TOM1L1: variants seen among roughly 807,000 people sequenced by gnomAD.
The protein encoded by TOM1L1 is TOM1-like protein 1.
In TOM1L1, 64 loss-of-function variants were observed where a neutral mutation model predicts 63.4. The ratio of observed to expected loss-of-function variants is 1.01; its 90% CI spans 0.83 to 1.24. The LOEUF is 1.24. TOM1L1 is among the 50% of genes most tolerant of loss of function. The pLI, the probability that TOM1L1 is intolerant of heterozygous loss-of-function variation, is 0.00. For missense variants in TOM1L1, 536 were observed against 567.0 expected, an observed-to-expected ratio of 0.95 and a Z score of 0.55; for synonymous variants, 166 against 194.4, an observed-to-expected ratio of 0.85 and a Z score of 1.22.
rs560232386 is a variant in TOM1L1 at position 54,909,468 on chromosome 17, TG to T, written c.223-3197del. On this transcript the variant is annotated intron_variant, in intron 3 of 15. Transcript: ENST00000575882. Reference sequence around the variant, plus strand: ...CTCTGCCTGGTTTGGAAATTTACAGTGAGAAAACTGTCAACTACCTCTTTTT... The same window carrying T: ...CTCTGCCTGGTTTGGAAATTTACAGTAGAAAACTGTCAACTACCTCTTTTT... Among the ~76,000 whole-genome samples, 223 of 152,244 alleles carry T rather than the reference TG, an allele frequency of 1.5e-3. 8 individuals are homozygous for T. The South Asian group carries it at 0.045, about 31-fold the overall frequency.
At chr17:54,905,223 A>G (rs1412633594) in intron 2 of TOM1L1, among the ~76,000 whole-genome samples, 1 of 152,202 alleles carries the variant, frequency 6.6e-6, no homozygotes, top group Non-Finnish European at 1.5e-5. Context: ...AGTGCATTTC[A>G]TGGGTAGTAC....
intron 7 of TOM1L1, among the ~76,000 whole-genome samples, chr17:54,928,720 T>G (rs1383895727): frequency 6.6e-6 from 1 of 152,210 alleles, no homozygotes; most frequent in Non-Finnish European, 1.5e-5. Context: ...ATACTGTTGC[T>G]GAAGATGGCC....
At chr17:54,907,459 T>G (rs1022390008) in intron 3 of TOM1L1, among the ~76,000 whole-genome samples, 4 of 152,214 alleles carry the variant, frequency 2.6e-5, no homozygotes, top group Non-Finnish European at 5.9e-5. Context: ...TGCCCTTGCC[T>G]CATGCCACTT....
chr17:54,938,781 T>C (rs1477852350), intron 10 of TOM1L1, 143 bp from the exon 11 acceptor site: 9 of 517,530 alleles, frequency 1.7e-5, no homozygotes, highest in East Asian at 6.4e-5. Context: ...GACAGAAATA[T>C]CTAAATTAAT....
chr17:54,930,000 A>T, intron 7 of TOM1L1, 73 bp from the exon 8 acceptor site: 1 of 1,594,244 alleles, frequency 6.3e-7, no homozygotes, highest in South Asian at 1.1e-5. Flanking sequence ...AGGTATGCGC[A>T]GATTGGTGAG....
chr17:54,945,820 C>A (rs2049109604), intron 11 of TOM1L1, among the ~76,000 whole-genome samples: 1 of 151,864 alleles, frequency 6.6e-6, no homozygotes, highest in Non-Finnish European at 1.5e-5. Flanking sequence ...TGTACAATAG[C>A]TGCCTTAAAT....
intron 14 of TOM1L1, among the ~76,000 whole-genome samples, 178 bp downstream of exon 14, chr17:54,950,304 C>T (rs75769751): frequency 0.011 from 1,600 of 152,160 alleles, 25 homozygotes; most frequent in African/African-American, 0.035. Context: ...CTTATCGTTC[C>T]GGCCTTGTGA....
rs373674800 is a variant in TOM1L1, at chr17:54,900,930, A to G, written c.58+7A>G. 108 of 1,613,720 alleles carry G rather than the reference A, an allele frequency of 6.7e-5. No homozygotes were observed. Among genetic ancestry groups the G allele is most frequent in the Non-Finnish European group, 8.6e-5 (101 of 1,180,006 alleles). On this transcript the variant is annotated splice_region_variant and intron_variant, in intron 1 of 15. Coordinates refer to ENST00000575882, the MANE Select transcript of TOM1L1 (RefSeq NM_005486.3). ...TCCGTGGGCCACCTCATAGGTAAGG[A>G]GGCGCGGGGAGAGACGCCCAGGCAG... is the stretch of plus-strand genomic sequence containing the variant.
intron 5 of TOM1L1, 86 bp downstream of exon 5, chr17:54,913,959 CCCAGCTT>C: frequency 7.0e-7 from 1 of 1,421,736 alleles, no homozygotes; most frequent in Non-Finnish European, 9.4e-7. Flanking sequence ...CCTAAATCCA[CCCAGCTT>C]AAGCAAAAAG....
At chr17:54,905,715 A>G in intron 3 of TOM1L1, 148 bp downstream of exon 3, 1 of 547,136 alleles carries the variant, frequency 1.8e-6, no homozygotes, top group Non-Finnish European at 3.2e-6. Flanking sequence ...AAAACTCTTC[A>G]TTTATGAGAA....
intron 13 of TOM1L1, 148 bp from the exon 14 acceptor site, chr17:54,949,897 G>C (rs911044353): frequency 4.4e-6 from 3 of 683,356 alleles, no homozygotes; most frequent in Non-Finnish European, 7.4e-6. Context: ...CAGATTTGTT[G>C]AACTTGGGAG....
intron 11 of TOM1L1, among the ~76,000 whole-genome samples, chr17:54,940,277 T>C (rs944421655): frequency 6.6e-6 from 1 of 152,350 alleles, no homozygotes. Context: ...ACTTTACTTA[T>C]AGAGAAATGT....
chr17:54,920,487 T>C (rs1317999701), intron 7 of TOM1L1, among the ~76,000 whole-genome samples: 1 of 152,122 alleles, frequency 6.6e-6, no homozygotes, highest in Non-Finnish European at 1.5e-5. Context: ...AAACTGACCA[T>C]CAGGCCTCCA....
intron 11 of TOM1L1, among the ~76,000 whole-genome samples, chr17:54,941,355 G>GA (rs1389898621): frequency 6.6e-6 from 1 of 152,110 alleles, no homozygotes; most frequent in Non-Finnish European, 1.5e-5. Flanking sequence ...AAACTGGGAA[G>GA]AAAAAAGAGC....
intron 7 of TOM1L1, among the ~76,000 whole-genome samples, chr17:54,929,121 A>G (rs953783245): frequency 6.6e-6 from 1 of 152,186 alleles, no homozygotes; most frequent in African/African-American, 2.4e-5. Context: ...GTTTTGCTTG[A>G]TGTTAATGTA....
At chr17:54,918,959 G>A (rs1256182000) in intron 7 of TOM1L1, among the ~76,000 whole-genome samples, 5 of 152,148 alleles carry the variant, frequency 3.3e-5, no homozygotes, top group Non-Finnish European at 7.3e-5. Context: ...TGGATCCGTG[G>A]CTTTAAGTAT....
chr17:54,926,456 T>TTTTG lies in TOM1L1; in HGVS notation c.721-3597_721-3594dup, dbSNP rs141426560. 1.6e-4 allele frequency among the ~76,000 whole-genome samples: 25 copies of TTTTG among 152,146 alleles called. 1 individual carries two copies. In the East Asian group the frequency reaches 2.1e-3, roughly 13 times the overall value. On this transcript the variant is annotated intron_variant, in intron 7 of 15. Transcript: ENST00000575882. ...GTCCTGGTACCTCCCACTTTAATCT[T>TTTTG]TTTGTTTGTTTGTTTGTTTGTTTTT... is the stretch of plus-strand genomic sequence containing the variant.
intron 3 of TOM1L1, among the ~76,000 whole-genome samples, chr17:54,910,822 G>A (rs1034015935): frequency 6.6e-6 from 1 of 152,136 alleles, no homozygotes; most frequent in African/African-American, 2.4e-5. Context: ...TGGTCACAGT[G>A]CCTTAAAACT....
At chr17:54,951,600 G>C (rs1598060495) in intron 14 of TOM1L1, among the ~76,000 whole-genome samples, 1 of 152,296 alleles carries the variant, frequency 6.6e-6, no homozygotes, top group East Asian at 1.9e-4. Context: ...TGTAACAAGG[G>C]CTATGGGAGT....
Sources: gnomAD v4.1 joint callset for allele counts (sites outside exome capture counted in the v4.1 genomes callset) on GRCh38, gnomAD v4.1.1 for gene constraint, MANE v1.5 for transcripts, NCBI Gene and HGNC (gene_info 2026-07-23, HGNC 2026-07-21) for gene names.